The following BBS9 variants were observed in gnomAD, a reference collection of about 807,000 sequenced individuals.
The protein encoded by BBS9 is Bardet-Biedl syndrome 9, also known as protein PTHB1.
In BBS9, 89 loss-of-function variants were observed where a neutral mutation model predicts 117.7. The observed-to-expected ratio is 0.76, with a 90% CI of 0.64 to 0.90. The LOEUF (loss-of-function observed/expected upper bound fraction) is 0.90. Ranked by LOEUF, BBS9 falls within the 40% of genes least tolerant of loss-of-function variation. The probability of loss-of-function intolerance (pLI) is 0.00; values close to 1 mark genes in which losing one functional copy is unlikely to be tolerated. For missense variants in BBS9, 982 were observed against 1,042.2 expected, an observed-to-expected ratio of 0.94 and a Z score of 0.80; for synonymous variants, 379 against 370.9, an observed-to-expected ratio of 1.02 and a Z score of -0.25.
intron 19 of BBS9, among the ~76,000 whole-genome samples, chr7:33,406,636 A>C (rs1830050336): frequency 6.6e-6 from 1 of 152,052 alleles, no homozygotes; most frequent in African/African-American, 2.4e-5. Context: ...CCTGGTGGTG[A>C]CAAAATCTCT....
intron 21 of BBS9, among the ~76,000 whole-genome samples, chr7:33,563,031 A>ATC: frequency 6.6e-6 from 1 of 152,104 alleles, no homozygotes; most frequent in South Asian, 2.1e-4. Context: ...TGCAATGGAG[A>ATC]GTATAGGTAT....
At chr7:33,504,348 C>T (rs78733445) in intron 19 of BBS9, among the ~76,000 whole-genome samples, 3,076 of 152,216 alleles carry the variant, frequency 0.02, 78 homozygotes, top group African/African-American at 0.057. Flanking sequence ...CCAGTATCTC[C>T]GAGACACTCT....
At chr7:33,199,514 A>G (rs1216763497) in intron 5 of BBS9, among the ~76,000 whole-genome samples, 1 of 151,732 alleles carries the variant, frequency 6.6e-6, no homozygotes, top group Non-Finnish European at 1.5e-5. Context: ...AGCTCTTTGT[A>G]TTTATCGCAC....
intron 19 of BBS9, among the ~76,000 whole-genome samples, chr7:33,499,147 G>A (rs537496527): frequency 1.3e-5 from 2 of 152,178 alleles, no homozygotes; most frequent in Non-Finnish European, 2.9e-5. Flanking sequence ...CCTATTATGT[G>A]TGCAAATAGA....
At chr7:33,518,932 T>G (rs1848210070) in intron 20 of BBS9, among the ~76,000 whole-genome samples, 3 of 152,138 alleles carry the variant, frequency 2.0e-5, no homozygotes. Context: ...TGATTTCTAT[T>G]TGAAGAAAAT....
At chr7:33,268,501 T>A (rs1310481521) in intron 7 of BBS9, among the ~76,000 whole-genome samples, 3 of 152,208 alleles carry the variant, frequency 2.0e-5, no homozygotes, top group African/African-American at 7.2e-5. Context: ...TTTCTGTCTT[T>A]AAGGGATTGC....
intron 11 of BBS9, among the ~76,000 whole-genome samples, chr7:33,344,078 GTTTTTTTTTTT>G (rs34530007): frequency 1.5e-5 from 1 of 67,466 alleles, no homozygotes; most frequent in Non-Finnish European, 2.5e-5. Flanking sequence ...TAGGGGATGA[GTTTTTTTTTTT>G]TTTTTTTTTT....
intron 5 of BBS9, among the ~76,000 whole-genome samples, chr7:33,209,148 T>A (rs1787540123): frequency 6.6e-6 from 1 of 152,170 alleles, no homozygotes; most frequent in African/African-American, 2.4e-5. Flanking sequence ...TCCGTGAGTT[T>A]AATTGTTTTA....
At chr7:33,184,726 A>G (rs1798581716) in intron 5 of BBS9, among the ~76,000 whole-genome samples, 1 of 152,146 alleles carries the variant, frequency 6.6e-6, no homozygotes, top group Admixed American at 6.5e-5. Context: ...ATGTTACTGG[A>G]AAGGGGTCCT....
chr7:33,434,135 T>C (rs1563171123), intron 19 of BBS9, among the ~76,000 whole-genome samples: 1 of 152,046 alleles, frequency 6.6e-6, no homozygotes, highest in Non-Finnish European at 1.5e-5. Flanking sequence ...CATTTATAAA[T>C]CTTTGACCAT....
chr7:33,307,209 T>C (rs1417468620), intron 9 of BBS9, among the ~76,000 whole-genome samples: 1 of 152,164 alleles, frequency 6.6e-6, no homozygotes, highest in Non-Finnish European at 1.5e-5. Context: ...ACTTGTGGTC[T>C]GAGTTTATTG....
chr7:33,249,847 A>G (rs527996463), intron 5 of BBS9, among the ~76,000 whole-genome samples: 1 of 152,306 alleles, frequency 6.6e-6, no homozygotes, highest in African/African-American at 2.4e-5. Flanking sequence ...TGGATCAAGT[A>G]TAATTGCCTC....
chr7:33,316,249 C>T (rs898172399), intron 9 of BBS9, among the ~76,000 whole-genome samples: 2 of 152,084 alleles, frequency 1.3e-5, no homozygotes, highest in South Asian at 2.1e-4. Context: ...TTTTGTTCAA[C>T]GTACTATTTT....
At chr7:33,572,782 T>C (rs919073308) in intron 21 of BBS9, among the ~76,000 whole-genome samples, 1 of 152,068 alleles carries the variant, frequency 6.6e-6, no homozygotes, top group African/African-American at 2.4e-5. Context: ...CCATTTTTAA[T>C]TGGATTTTCT....
At chr7:33,389,722 G>T (rs4723280) in intron 19 of BBS9, among the ~76,000 whole-genome samples, 2 of 144,510 alleles carry the variant, frequency 1.4e-5, no homozygotes, top group East Asian at 4.0e-4. Context: ...AAAATTCATG[G>T]TTATTTGAAA....
At chr7:33,452,507 C>T (rs960022867) in intron 19 of BBS9, among the ~76,000 whole-genome samples, 9 of 152,148 alleles carry the variant, frequency 5.9e-5, no homozygotes, top group Admixed American at 5.9e-4. Flanking sequence ...TTTCTAGCCT[C>T]AGCGTTCTTA....
At chr7:33,436,074 C>A (rs1199346861) in intron 19 of BBS9, among the ~76,000 whole-genome samples, 1 of 152,126 alleles carries the variant, frequency 6.6e-6, no homozygotes, top group Non-Finnish European at 1.5e-5. Flanking sequence ...CGTGCAAGTG[C>A]AACTTTAAGA....
At chr7:33,458,149 A>G (rs1380060920) in intron 19 of BBS9, among the ~76,000 whole-genome samples, 3 of 152,166 alleles carry the variant, frequency 2.0e-5, no homozygotes, top group African/African-American at 7.2e-5. Context: ...AATAATGCTT[A>G]TTATAGAAAA....
At chr7:33,182,339 G>A (rs1405337439) in intron 5 of BBS9, among the ~76,000 whole-genome samples, 2 of 152,060 alleles carry the variant, frequency 1.3e-5, no homozygotes, top group Admixed American at 6.5e-5. Context: ...ACTAGGTGTG[G>A]AGCCTAGGGC....
Sources: allele counts gnomAD v4.1 joint callset (sites outside exome capture counted in the v4.1 genomes callset), GRCh38; gene constraint gnomAD v4.1.1; transcripts MANE v1.5; gene names NCBI Gene and HGNC (gene_info 2026-07-23, HGNC 2026-07-21).